Variants in DNAJA1 observed in about 807,000 individuals in gnomAD.
The protein encoded by DNAJA1 is dnaJ homolog subfamily A member 1.
In DNAJA1, 26 loss-of-function variants were observed where a neutral mutation model predicts 47.6. That is an observed-to-expected ratio of 0.55 (90% CI 0.40 to 0.76). The LOEUF (loss-of-function observed/expected upper bound fraction) is 0.76, where lower values mean the gene tolerates loss of function less well. Among genes scored for constraint, DNAJA1 ranks in the 30% least tolerant of loss-of-function variants. The pLI is 0.00. For synonymous variants in DNAJA1, 165 were observed against 158.4 expected, an observed-to-expected ratio of 1.04 and a Z score of -0.31; for missense variants, 315 against 485.0, an observed-to-expected ratio of 0.65 and a Z score of 3.29.
In DNAJA1 at chr9:33,038,668, G is replaced by C. The variant is rs1347897798; in HGVS notation, c.976-17G>C. 6.2e-7 allele frequency: 1 copy of C among 1,610,876 alleles called. No individual in the cohort carries two copies. The highest frequency in any genetic ancestry group is 1.3e-5 in the African/African-American group (1 of 74,874). Reference sequence around the variant, plus strand: ...TAATGATGAAATCAGATTGAACAGTGAAAGTTTCTTTTGAAGGTAAACTTT... The same window carrying C: ...TAATGATGAAATCAGATTGAACAGTCAAAGTTTCTTTTGAAGGTAAACTTT... On this transcript the variant is annotated splice_polypyrimidine_tract_variant and intron_variant, in intron 8 of 8. Transcript: ENST00000330899.
intron 7 of DNAJA1, 112 bp from the exon 8 acceptor site, chr9:33,036,903 C>A: frequency 1.0e-6 from 1 of 1,000,536 alleles, no homozygotes; most frequent in Non-Finnish European, 1.5e-6. Context: ...ATTGCTTTGC[C>A]ACGTAAGTTT....
At position 33,026,703 on chromosome 9, in the gene DNAJA1, A is replaced by T. The variant is rs1587695438; in HGVS notation, c.132+87A>T. The T allele has an allele frequency of 5.1e-6, 8 of 1,563,616 alleles. No homozygotes were observed. In the East Asian group the frequency reaches 1.8e-4, roughly 35 times the overall value. Reference sequence around the variant, plus strand: ...ATTATGGCCTGAAATCGAGTATCTAATATAGTAACTATGATCACTTCTCGG... The same window carrying T: ...ATTATGGCCTGAAATCGAGTATCTATTATAGTAACTATGATCACTTCTCGG... On this transcript the variant is annotated intron_variant, in intron 2 of 8. Coordinates refer to ENST00000330899, the MANE Select transcript of DNAJA1 (RefSeq NM_001539.4).
chr9:33,027,130 T>C lies in DNAJA1; in HGVS notation c.310+140T>C, dbSNP rs1838885956. ...CTGACCACAAATTGCCTCTGATTTA[T>C]GGTGTCGTGTTTTTTTGTTGTGGTT... On this transcript the variant is annotated intron_variant, in intron 3 of 8. Coordinates refer to ENST00000330899, the MANE Select transcript of DNAJA1 (RefSeq NM_001539.4). 7 of 1,024,646 alleles carry C rather than the reference T, an allele frequency of 6.8e-6. No individual in the cohort carries two copies. In the East Asian group the frequency reaches 1.6e-4, roughly 24 times the overall value. 63.5% of individuals were successfully genotyped at this position (1,024,646 alleles called of 1,614,324 possible).
chr9:33,036,494 TAAAC>T (rs1191094725), intron 6 of DNAJA1, 76 bp from the exon 7 acceptor site: 4 of 882,888 alleles, frequency 4.5e-6, no homozygotes, highest in Non-Finnish European at 7.0e-6. Context: ...TTGCTTTTAT[TAAAC>T]AAAAAAACAG....
In DNAJA1 at chr9:33,036,987, A is replaced by G. The variant is rs781312957; in HGVS notation, c.875-28A>G. On this transcript the variant is annotated intron_variant, in intron 7 of 8. Transcript: ENST00000330899. ...CCTCATAAAAATGTGACCATACTTA[A>G]GGAAGAACTTGGCTTCAATGTTTTT... The G allele has an allele frequency of 2.5e-6, 4 of 1,585,822 alleles. No individual in the cohort carries two copies. In the African/African-American group the frequency reaches 5.4e-5, roughly 21 times the overall value.
rs1490322651 is a variant in DNAJA1 at position 33,034,450 on chromosome 9, A to G, written c.758+120A>G. Reference sequence around the variant, plus strand: ...TACTCTTAGAACCTATTTCTCAGGAAGATTGTTAACCATTGTTCAGATCAT... The same window carrying G: ...TACTCTTAGAACCTATTTCTCAGGAGGATTGTTAACCATTGTTCAGATCAT... On this transcript the variant is annotated intron_variant, in intron 6 of 8. Coordinates refer to ENST00000330899, the MANE Select transcript of DNAJA1 (RefSeq NM_001539.4). 8.3e-6 allele frequency: 6 copies of G among 725,102 alleles called. No individual in the cohort carries two copies. In the African/African-American group the frequency reaches 1.1e-4, roughly 13 times the overall value. 44.9% of individuals were successfully genotyped at this position (725,102 alleles called of 1,614,324 possible).
chr9:33,034,148 A>T, intron 5 of DNAJA1, 68 bp from the exon 6 acceptor site: 1 of 1,109,856 alleles, frequency 9.0e-7, no homozygotes, highest in Admixed American at 2.8e-5. Flanking sequence ...ACATCTATGT[A>T]TAGATTTTAT....
chr9:33,035,181 G>A (rs1222098639), intron 6 of DNAJA1, among the ~76,000 whole-genome samples: 1 of 151,988 alleles, frequency 6.6e-6, no homozygotes, highest in African/African-American at 2.4e-5. Context: ...ATGGTCAGGA[G>A]TTCAAGACCA....
At chr9:33,036,823 C>A in intron 7 of DNAJA1, 134 bp downstream of exon 7, 1 of 797,446 alleles carries the variant, frequency 1.3e-6, no homozygotes, top group Non-Finnish European at 2.0e-6. Flanking sequence ...CTTCTCTGGG[C>A]TTAGATGAAG....
intron 5 of DNAJA1, among the ~76,000 whole-genome samples, chr9:33,030,889 A>G (rs1028731584): frequency 6.6e-6 from 1 of 152,240 alleles, no homozygotes; most frequent in Non-Finnish European, 1.5e-5. Flanking sequence ...CTCATTTAAT[A>G]TAACAGGATC....
chr9:33,035,185 A>G (rs1276004689), intron 6 of DNAJA1, among the ~76,000 whole-genome samples: 3 of 152,060 alleles, frequency 2.0e-5, no homozygotes, highest in Non-Finnish European at 4.4e-5. Flanking sequence ...TCAGGAGTTC[A>G]AGACCAGCCT....
In DNAJA1 at chr9:33,026,508, C is replaced by T. The variant is rs1439719474; in HGVS notation, c.24C>T (p.Tyr8=). The change falls in exon 2 of 9, where the codon TAC becomes TAT. Residue 8 remains tyrosine (Y), a synonymous_variant. Transcript: ENST00000330899. MVKETTY[Y]DVLGVKPNAT... The stretch of plus-strand genomic sequence containing the variant: ...AGATGGTGAAAGAAACAACTTACTA[C>T]GATGTTTTGGGGGTCAAACCCAATG... 6 of 1,607,024 alleles carry T rather than the reference C, an allele frequency of 3.7e-6. No homozygotes were observed. Among genetic ancestry groups the T allele is most frequent in the Non-Finnish European group, 5.1e-6 (6 of 1,178,468 alleles).
chr9:33,035,223 T>C (rs1027045159), intron 6 of DNAJA1, among the ~76,000 whole-genome samples: 1 of 151,866 alleles, frequency 6.6e-6, no homozygotes, highest in Non-Finnish European at 1.5e-5. Context: ...GCCATCTCTG[T>C]TAAAAATTAA....
At chr9:33,035,520 A>G (rs1207975912) in intron 6 of DNAJA1, among the ~76,000 whole-genome samples, 9 of 152,182 alleles carry the variant, frequency 5.9e-5, no homozygotes, top group African/African-American at 2.2e-4. Context: ...CCCAGGCTGG[A>G]TTGCGATGGT....
chr9:33,030,369 G>A, intron 4 of DNAJA1, 71 bp from the exon 5 acceptor site: 1 of 1,414,768 alleles, frequency 7.1e-7, no homozygotes, highest in South Asian at 1.3e-5. Context: ...TTTAGGAATT[G>A]TCTTCTTAAA....
At chr9:33,038,570 C>A in intron 8 of DNAJA1, 115 bp from the exon 9 acceptor site, 1 of 907,794 alleles carries the variant, frequency 1.1e-6, no homozygotes, top group Non-Finnish European at 1.6e-6. Flanking sequence ...CTGAGATTGG[C>A]AGATTCACCT....
chr9:33,027,990 A>T (rs1317339529), intron 3 of DNAJA1, among the ~76,000 whole-genome samples: 2 of 138,554 alleles, frequency 1.4e-5, no homozygotes, highest in Non-Finnish European at 3.0e-5. Flanking sequence ...GCCCAATTAC[A>T]CTCCAGCCTG....
chr9:33,027,063 C>T, intron 3 of DNAJA1, 73 bp downstream of exon 3: 1 of 1,557,656 alleles, frequency 6.4e-7, no homozygotes, highest in Non-Finnish European at 8.7e-7. Context: ...GAGAAATCAC[C>T]CATTTTAAAT....
chr9:33,036,025 T>C (rs10971355), intron 6 of DNAJA1: 10,745 of 151,984 alleles, frequency 0.071, 516 homozygotes, highest in Non-Finnish European at 0.11. Flanking sequence ...CTCACTGCAA[T>C]CTCTGCCTCC....
Sources: allele counts gnomAD v4.1 joint callset (sites outside exome capture counted in the v4.1 genomes callset), GRCh38; gene constraint gnomAD v4.1.1; transcripts MANE v1.5; gene names NCBI Gene and HGNC (gene_info 2026-07-23, HGNC 2026-07-21).